PTPRT: variants seen among roughly 807,000 people sequenced by gnomAD.
The protein encoded by PTPRT is protein tyrosine phosphatase receptor type T.
PTPRT carries 56 observed loss-of-function variants against 176.8 expected under a neutral mutation model. The ratio of observed to expected loss-of-function variants is 0.32; its 90% confidence interval spans 0.26 to 0.40. PTPRT has a LOEUF of 0.40. PTPRT is among the 10% of genes least tolerant of loss of function. The pLI is 1.00. For missense variants in PTPRT, 1,540 were observed against 1,908.2 expected (o/e 0.81, Z 3.60); for synonymous variants, 783 against 739.0 (o/e 1.06, Z -0.96).
rs1459620956 is a variant in PTPRT, at chr20:42,464,287, G to GAGTGAACAA, written c.1450+7970_1450+7978dup. Among the ~76,000 whole-genome samples, 7 of 152,290 alleles carry GAGTGAACAA rather than the reference G, an allele frequency of 4.6e-5. No homozygotes were observed. The East Asian group carries it at 1.2e-3, about 25-fold the overall frequency. ...AACGAGCCCATACTATGGATTACCA[G>GAGTGAACAA]AGTGAACAACACAAAACAAAGTTTC... On this transcript the variant is annotated intron_variant, in intron 8 of 30. Coordinates refer to ENST00000373187, the MANE Select transcript of PTPRT (RefSeq NM_007050.6).
At chr20:42,121,048 C>T (rs991651146) in intron 19 of PTPRT, among the ~76,000 whole-genome samples, 1 of 152,162 alleles carries the variant, frequency 6.6e-6, no homozygotes, top group Admixed American at 6.5e-5. Context: ...AGATGAACTG[C>T]CTCGAGGCCA....
chr20:42,329,971 T>TGATG (rs1472449649), intron 11 of PTPRT, among the ~76,000 whole-genome samples: 1 of 152,234 alleles, frequency 6.6e-6, no homozygotes, highest in Non-Finnish European at 1.5e-5. Context: ...TATTTTTAAT[T>TGATG]GATGGATGGA....
chr20:42,596,684 T>C (rs909613486), intron 7 of PTPRT, among the ~76,000 whole-genome samples: 2 of 152,198 alleles, frequency 1.3e-5, no homozygotes, highest in African/African-American at 4.8e-5. Flanking sequence ...AAGGCCATGA[T>C]TAAGCAAATA....
chr20:42,585,367 A>AATAACTCC (rs1225974569), intron 7 of PTPRT, among the ~76,000 whole-genome samples: 1 of 152,206 alleles, frequency 6.6e-6, no homozygotes, highest in African/African-American at 2.4e-5. Flanking sequence ...ACTGACTTGA[A>AATAACTCC]ATAACTCCAT....
chr20:42,369,649 G>T (rs1394501829), intron 9 of PTPRT, among the ~76,000 whole-genome samples: 5 of 152,172 alleles, frequency 3.3e-5, no homozygotes, highest in Non-Finnish European at 7.3e-5. Context: ...TTTGAAGTGG[G>T]TGACAGGGGA....
At chr20:42,186,813 C>T (rs1990801562) in intron 16 of PTPRT, among the ~76,000 whole-genome samples, 6 of 151,982 alleles carry the variant, frequency 3.9e-5, no homozygotes, top group Admixed American at 3.9e-4. Context: ...ATGATGATGA[C>T]TTGGACAAGG....
rs554489313 is a variant in PTPRT at position 42,531,842 on chromosome 20, A to G, written c.1154-59280T>C. 3.9e-5 allele frequency among the ~76,000 whole-genome samples: 6 copies of G among 152,326 alleles called. No homozygotes were observed. The East Asian group carries it at 1.2e-3, about 29-fold the overall frequency. The stretch of plus-strand genomic sequence containing the variant: ...AACCGCAGACCTCAGCAGGGAGGCC[A>G]GCCCTCTCATTTTACTGCAAGGGAA... On this transcript the variant is annotated intron_variant, in intron 7 of 30. Coordinates refer to ENST00000373187, the MANE Select transcript of PTPRT (RefSeq NM_007050.6).
At chr20:42,277,756 C>G (rs756733966) in intron 13 of PTPRT, among the ~76,000 whole-genome samples, 7 of 151,960 alleles carry the variant, frequency 4.6e-5, no homozygotes, top group Non-Finnish European at 8.8e-5. Flanking sequence ...GTGGGGACTG[C>G]AGATCCCATA....
chr20:42,373,671 C>A (rs994075990), intron 9 of PTPRT, among the ~76,000 whole-genome samples: 1 of 152,212 alleles, frequency 6.6e-6, no homozygotes, highest in Non-Finnish European at 1.5e-5. Flanking sequence ...AATGACTTGA[C>A]CCTGACCACA....
intron 7 of PTPRT, among the ~76,000 whole-genome samples, chr20:42,621,645 G>C (rs1209801336): frequency 6.6e-6 from 1 of 152,112 alleles, no homozygotes; most frequent in African/African-American, 2.4e-5. Context: ...TGCTGTGCTG[G>C]CCACTCCCTA....
chr20:43,000,217 A>T (rs1984484914), intron 1 of PTPRT, among the ~76,000 whole-genome samples: 1 of 152,338 alleles, frequency 6.6e-6, no homozygotes, highest in South Asian at 2.1e-4. Flanking sequence ...CTTCAGAGAT[A>T]GCCCTTATTT....
At chr20:42,040,391 T>A in the PTPRT span, among the ~76,000 whole-genome samples, 2 of 152,154 alleles carry the variant, frequency 1.3e-5, no homozygotes, top group Non-Finnish European at 1.5e-5. Context: ...ACTGGACTTG[T>A]TTAAAGTTGA....
At chr20:42,739,565 G>A (rs550623065) in intron 6 of PTPRT, among the ~76,000 whole-genome samples, 3 of 152,268 alleles carry the variant, frequency 2.0e-5, no homozygotes, top group African/African-American at 4.8e-5. Flanking sequence ...ATGGGGAAGT[G>A]TTAGACAGGA....
intron 6 of PTPRT, among the ~76,000 whole-genome samples, chr20:42,691,494 G>C (rs947735992): frequency 6.6e-6 from 1 of 152,204 alleles, no homozygotes; most frequent in East Asian, 1.9e-4. Flanking sequence ...AGTATCGACT[G>C]CTCTGAAGTG....
intron 17 of PTPRT, among the ~76,000 whole-genome samples, chr20:42,145,333 GTACTAAAGA>G (rs1988812416): frequency 6.6e-6 from 1 of 152,058 alleles, no homozygotes; most frequent in African/African-American, 2.4e-5. Context: ...AACCCCATCT[GTACTAAAGA>G]TACAAAAATT....
At chr20:42,419,902 T>G (rs919512881) in intron 9 of PTPRT, among the ~76,000 whole-genome samples, 9 of 152,018 alleles carry the variant, frequency 5.9e-5, no homozygotes, top group African/African-American at 2.2e-4. Context: ...GAACGCCACG[T>G]GGAGACAGAA....
intron 2 of PTPRT, among the ~76,000 whole-genome samples, chr20:42,800,221 A>AG (rs1254033301): frequency 1.3e-5 from 2 of 152,234 alleles, no homozygotes; most frequent in Non-Finnish European, 2.9e-5. Flanking sequence ...AGCTGGTAGC[A>AG]GAGCCAGGAT....
At chr20:42,604,797 A>T (rs538114072) in intron 7 of PTPRT, among the ~76,000 whole-genome samples, 12 of 152,288 alleles carry the variant, frequency 7.9e-5, no homozygotes, top group African/African-American at 2.4e-4. Context: ...CCATAATTGT[A>T]CCATACTTTG....
At chr20:43,056,411 T>C (rs2146242753) in intron 1 of PTPRT, among the ~76,000 whole-genome samples, 1 of 152,288 alleles carries the variant, frequency 6.6e-6, no homozygotes, top group South Asian at 2.1e-4. Flanking sequence ...CATGCAAACC[T>C]CAAATCCAGA....
Sources: gnomAD v4.1 joint callset for allele counts (sites outside exome capture counted in the v4.1 genomes callset) on GRCh38, gnomAD v4.1.1 for gene constraint, MANE v1.5 for transcripts, NCBI Gene and HGNC (gene_info 2026-07-23, HGNC 2026-07-21) for gene names.